OTULIN: variants seen among roughly 807,000 people sequenced by gnomAD.
OTULIN encodes ubiquitin thioesterase otulin.
Under a neutral mutation model 39.6 loss-of-function variants are expected in OTULIN, and 15 were observed. The observed-to-expected ratio is 0.38, with a 90% CI of 0.25 to 0.58. The LOEUF (loss-of-function observed/expected upper bound fraction) is 0.58. OTULIN is among the 20% of genes least tolerant of loss of function. The pLI, the probability that OTULIN is intolerant of heterozygous loss-of-function variation, is 0.66. For missense variants in OTULIN, 319 were observed against 445.9 expected (o/e 0.72, Z 2.56); for synonymous variants, 156 against 170.3 (o/e 0.92, Z 0.65).
chr5:14,672,841 C>A (rs1418177186), intron 1 of OTULIN, among the ~76,000 whole-genome samples: 6 of 152,212 alleles, frequency 3.9e-5, no homozygotes, highest in Admixed American at 1.3e-4. Flanking sequence ...CTTCTGGTTT[C>A]ATGAAAGATA....
the OTULIN span, among the ~76,000 whole-genome samples, chr5:14,711,847 T>TCTCAGCCC: frequency 3.9e-5 from 6 of 152,188 alleles, no homozygotes; most frequent in Non-Finnish European, 5.9e-5. Context: ...GGGATCAGGT[T>TCTCAGCCC]CTCAGCCCCA....
chr5:14,696,331 C>G lies in OTULIN; in HGVS notation c.*3283C>G, dbSNP rs1736668301. The G allele has an allele frequency of 6.6e-6, 1 of 152,334 alleles. No homozygotes were observed. Among genetic ancestry groups the G allele is most frequent in the African/African-American group, 2.4e-5 (1 of 41,574 alleles). 9.4% of individuals were successfully genotyped at this position (152,334 alleles called of 1,614,324 possible). On this transcript the variant is annotated 3_prime_UTR_variant, in exon 7 of 7. Transcript: ENST00000284274. ...GTACAGTTGGATCATTTTCTTATCT[C>G]CTTTTCTTAAGCAGTACTTTGCAGG...
In OTULIN at chr5:14,676,641, G is replaced by A. The variant is rs191340562; in HGVS notation, c.230-2040G>A. On this transcript the variant is annotated intron_variant, in intron 2 of 6. Transcript: ENST00000284274. Reference sequence around the variant, plus strand: ...CCCACCCTGTCCAGGTCTTGTCTTGGTGTGCACAGGAATGAGGACTGCAGG... The same window carrying A: ...CCCACCCTGTCCAGGTCTTGTCTTGATGTGCACAGGAATGAGGACTGCAGG... Among the ~76,000 whole-genome samples, 5 of 152,326 alleles carry A rather than the reference G, an allele frequency of 3.3e-5. No homozygotes were observed. The East Asian group carries it at 5.8e-4, about 18-fold the overall frequency.
intron 1 of OTULIN, among the ~76,000 whole-genome samples, chr5:14,665,464 C>T (rs1468321153): frequency 6.6e-6 from 1 of 152,182 alleles, no homozygotes; most frequent in Admixed American, 6.5e-5. Flanking sequence ...CCTTTAACGG[C>T]CTGACTAGTA....
Position 14,664,899 on chromosome 5 carries a change from CGGCG to C in OTULIN, c.76_79del (p.Ala26ProfsTer36). 8.6e-7 allele frequency: 1 copy of C among 1,165,870 alleles called. No individual in the cohort carries two copies. Among genetic ancestry groups the C allele is most frequent in the Non-Finnish European group, 1.0e-6 (1 of 954,292 alleles). The allele number at this position is 1,165,870 out of a possible 1,614,324, so 72.2% of individuals were successfully genotyped here. On this transcript the variant is annotated frameshift_variant, in exon 1 of 7. Coordinates refer to ENST00000284274, the MANE Select transcript of OTULIN (RefSeq NM_138348.6). LOFTEE classifies it high-confidence loss of function. ...TGCGCCGAGACGCCGGCGCGGGAGG[CGGCG>C]GCCACGGCGCGGGACGGCGGGAAGG...
At chr5:14,678,315 G>T (rs1291826615) in intron 2 of OTULIN, among the ~76,000 whole-genome samples, 1 of 150,940 alleles carries the variant, frequency 6.6e-6, no homozygotes, top group African/African-American at 2.5e-5. Context: ...TAGGAGCAGA[G>T]ACCAGAGAGG....
intron 4 of OTULIN, among the ~76,000 whole-genome samples, chr5:14,683,048 T>C (rs1470706840): frequency 1.3e-5 from 2 of 152,132 alleles, no homozygotes; most frequent in Non-Finnish European, 2.9e-5. Context: ...GATTGATGGG[T>C]GAAGGATACT....
In OTULIN at chr5:14,678,628, T is replaced by C. The variant is rs576456300; in HGVS notation, c.230-53T>C. 7 of 1,283,166 alleles carry C rather than the reference T, an allele frequency of 5.5e-6. No individual in the cohort carries two copies. The South Asian group carries it at 1.1e-4, about 19-fold the overall frequency. 79.5% of individuals were successfully genotyped at this position (1,283,166 alleles called of 1,614,324 possible). A position where few individuals can be genotyped will look rare whatever the true frequency, so the allele number is the denominator to read the frequency against. On this transcript the variant is annotated intron_variant, in intron 2 of 6. Transcript: ENST00000284274. The stretch of plus-strand genomic sequence containing the variant: ...GTAACCCCCAACTGAAGCAGTATTC[T>C]GATTATGCTTTGATTTATTATTTGC...
At chr5:14,713,540 A>G in the OTULIN span, 3 of 1,614,100 alleles carry the variant, frequency 1.9e-6, no homozygotes, top group Admixed American at 5.0e-5. The surrounding 1 kb of genome is among the most constrained non-coding windows in gnomAD (Gnocchi z 4.4). Context: ...CCCTGACAAC[A>G]TACCCCAGGT....
rs535647974 is a variant in OTULIN, at chr5:14,698,180, G to A, written c.*5132G>A. The stretch of plus-strand genomic sequence containing the variant: ...TAACTTTTTGTATTATGAATTTGGA[G>A]AGGATAACAAGCCAACTTTAGACCC... On this transcript the variant is annotated 3_prime_UTR_variant, in exon 7 of 7. Transcript: ENST00000284274. 6.6e-6 allele frequency: 1 copy of A among 152,298 alleles called. No individual in the cohort carries two copies. The highest frequency in any genetic ancestry group is 1.5e-5 in the Non-Finnish European group (1 of 68,022). The allele number at this position is 152,298 out of a possible 1,614,324, so 9.4% of individuals were successfully genotyped here.
At chr5:14,716,059 A>G in the OTULIN span, among the ~76,000 whole-genome samples, 70 of 152,192 alleles carry the variant, frequency 4.6e-4, no homozygotes, top group African/African-American at 1.5e-3. Flanking sequence ...TTTTTGGTGC[A>G]CAGTTTTGAG....
intron 2 of OTULIN, among the ~76,000 whole-genome samples, chr5:14,675,710 G>A (rs1470333702): frequency 6.6e-6 from 1 of 152,230 alleles, no homozygotes; most frequent in African/African-American, 2.4e-5. Context: ...TAGTCTGAGA[G>A]TGAAATGGAT....
chr5:14,713,673 G>A, the OTULIN span: 1 of 1,613,796 alleles, frequency 6.2e-7, no homozygotes, highest in Non-Finnish European at 8.5e-7. This position sits in a 1 kb window ranked among gnomAD's most constrained non-coding sequence, Gnocchi z 4.4. Flanking sequence ...TGTGACTGTT[G>A]GGAGGAGCAA....
Position 14,681,566 on chromosome 5 carries a change from G to T in OTULIN, c.427G>T (p.Val143Leu). 1 of 1,614,108 alleles carries T rather than the reference G, an allele frequency of 6.2e-7. No homozygotes were observed. ...ATLFQAMSQA[V>L]GLPPWLQDPE... ...GCTGTTCCAGGCCATGAGCCAGGCT[G>T]TGGGGCTGCCGCCCTGGCTGCAGGA... The change falls in exon 4 of 7, where the codon GTG becomes TTG. Residue 143 changes from valine to leucine, a missense_variant. This residue lies in a region of OTULIN where 27 missense variants were observed against 58.8 expected (regional missense o/e 0.46). Coordinates refer to ENST00000284274, the MANE Select transcript of OTULIN (RefSeq NM_138348.6).
At chr5:14,665,122 C>A in intron 1 of OTULIN, 145 bp downstream of exon 1, 1 of 701,810 alleles carries the variant, frequency 1.4e-6, no homozygotes, top group Non-Finnish European at 1.8e-6. Flanking sequence ...GAGGAATTGG[C>A]AGACAGTTTT....
At chr5:14,689,746 T>G (rs1188101233) in intron 5 of OTULIN, among the ~76,000 whole-genome samples, 1 of 152,136 alleles carries the variant, frequency 6.6e-6, no homozygotes, top group Non-Finnish European at 1.5e-5. Context: ...TAAGTGTCTC[T>G]GATTGGCTGG....
intron 2 of OTULIN, among the ~76,000 whole-genome samples, chr5:14,676,201 A>G (rs1027104617): frequency 6.6e-6 from 1 of 152,132 alleles, no homozygotes; most frequent in Non-Finnish European, 1.5e-5. Context: ...CCTCTTGGTT[A>G]TTTCAACTTG....
chr5:14,703,660 T>TG (rs1013286812), downstream of OTULIN, among the ~76,000 whole-genome samples: 1 of 152,224 alleles, frequency 6.6e-6, no homozygotes, highest in Non-Finnish European at 1.5e-5. Flanking sequence ...TGAATGATGC[T>TG]GGGGCCAGCG....
intron 1 of OTULIN, among the ~76,000 whole-genome samples, chr5:14,670,006 A>G (rs913906196): frequency 2.0e-5 from 3 of 152,228 alleles, no homozygotes; most frequent in African/African-American, 7.2e-5. Flanking sequence ...ATAGAACACT[A>G]GAACTTACTC....
Sources: gnomAD v4.1 joint callset for allele counts (sites outside exome capture counted in the v4.1 genomes callset) on GRCh38, gnomAD v4.1.1 for gene constraint, gnomAD v4.1.1 regional missense constraint, Gnocchi (gnomAD v3.1) non-coding constraint, MANE v1.5 for transcripts, NCBI Gene and HGNC (gene_info 2026-07-23, HGNC 2026-07-21) for gene names.